CTXND2: variants seen among roughly 807,000 people sequenced by gnomAD.
CTXND2 encodes the protein cortexin domain containing 2.
intron 1 of CTXND2, among the ~76,000 whole-genome samples, chr1:150,908,498 T>C (rs1362125565): frequency 1.3e-5 from 2 of 152,216 alleles, no homozygotes; most frequent in African/African-American, 4.8e-5. Flanking sequence ...TCCATTTCCC[T>C]GATGACTAAT....
intron 1 of CTXND2, among the ~76,000 whole-genome samples, chr1:150,904,790 T>G (rs1371997689): frequency 3.3e-5 from 5 of 152,236 alleles, no homozygotes. Context: ...TATCAAAGAT[T>G]ATTTAGCATT....
At chr1:150,907,073 A>G (rs959451670) in intron 1 of CTXND2, among the ~76,000 whole-genome samples, 2 of 152,208 alleles carry the variant, frequency 1.3e-5, no homozygotes, top group African/African-American at 4.8e-5. Flanking sequence ...CTGATCCTGT[A>G]CAATGCAGAA....
intron 1 of CTXND2, among the ~76,000 whole-genome samples, chr1:150,911,551 G>A (rs1669258353): frequency 6.6e-6 from 1 of 151,748 alleles, no homozygotes; most frequent in South Asian, 2.1e-4. Flanking sequence ...TTCTGCCTCA[G>A]CCTCCCAAGT....
At chr1:150,910,133 CTTT>C (rs1338323220) in intron 1 of CTXND2, among the ~76,000 whole-genome samples, 1 of 119,134 alleles carries the variant, frequency 8.4e-6, no homozygotes. Flanking sequence ...TTTTTTTTTT[CTTT>C]TTTTTTTTTT....
intron 1 of CTXND2, among the ~76,000 whole-genome samples, chr1:150,893,917 A>G (rs1478777930): frequency 6.6e-6 from 1 of 152,004 alleles, no homozygotes; most frequent in African/African-American, 2.4e-5. Flanking sequence ...GGGTTAAAGG[A>G]GCTCCTTTCT....
intron 1 of CTXND2, among the ~76,000 whole-genome samples, chr1:150,905,768 A>G (rs1669133324): frequency 6.6e-6 from 1 of 151,930 alleles, no homozygotes; most frequent in Admixed American, 6.6e-5. Context: ...AGACGGGCAG[A>G]TCACGAGGTC....
At chr1:150,901,949 G>A (rs1326757253) in intron 1 of CTXND2, among the ~76,000 whole-genome samples, 1 of 151,400 alleles carries the variant, frequency 6.6e-6, no homozygotes, top group Non-Finnish European at 1.5e-5. Context: ...AAATTCAATG[G>A]GGAAATAATA....
intron 1 of CTXND2, among the ~76,000 whole-genome samples, chr1:150,902,082 A>G (rs1184625262): frequency 2.0e-5 from 3 of 152,058 alleles, no homozygotes; most frequent in East Asian, 3.9e-4. Flanking sequence ...CCTGGCCAAC[A>G]TGGTGAAACT....
chr1:150,898,153 G>GT (rs34573516), intron 1 of CTXND2, among the ~76,000 whole-genome samples: 53,552 of 147,748 alleles, frequency 0.36, 9,880 homozygotes, highest in South Asian at 0.54. Flanking sequence ...TAGATGTGGG[G>GT]TTTTTTTTTT....
intron 1 of CTXND2, among the ~76,000 whole-genome samples, chr1:150,890,440 G>A (rs957443178): frequency 1.3e-5 from 2 of 152,174 alleles, no homozygotes; most frequent in African/African-American, 4.8e-5. Context: ...GGCTTTACAG[G>A]AATGATTAGA....
intron 1 of CTXND2, among the ~76,000 whole-genome samples, chr1:150,896,209 T>A (rs1052801223): frequency 6.6e-6 from 1 of 152,134 alleles, no homozygotes; most frequent in African/African-American, 2.4e-5. Context: ...GAAGCCAAAC[T>A]GGGGATTAAA....
At chr1:150,893,032 C>T (rs754659299) in intron 1 of CTXND2, among the ~76,000 whole-genome samples, 6 of 152,126 alleles carry the variant, frequency 3.9e-5, no homozygotes, top group African/African-American at 7.2e-5. Context: ...TGTTCTTTAA[C>T]GACTATCAGT....
chr1:150,888,069 TA>T (rs35935543), intron 1 of CTXND2, among the ~76,000 whole-genome samples: 3 of 151,482 alleles, frequency 2.0e-5, no homozygotes, highest in South Asian at 2.1e-4. Flanking sequence ...AAAAGCCACT[TA>T]AAAAAAATTC....
chr1:150,896,670 C>T (rs1052770655), intron 1 of CTXND2, among the ~76,000 whole-genome samples: 2 of 152,156 alleles, frequency 1.3e-5, no homozygotes, highest in Admixed American at 1.3e-4. Flanking sequence ...TAATTCAGTG[C>T]CAACACCATA....
chr1:150,909,969 T>C (rs587733429), intron 1 of CTXND2, among the ~76,000 whole-genome samples: 9 of 152,252 alleles, frequency 5.9e-5, no homozygotes, highest in African/African-American at 1.7e-4. Context: ...TTGCACTTCA[T>C]TGTCAGGATG....
intron 1 of CTXND2, among the ~76,000 whole-genome samples, chr1:150,901,248 A>C (rs1669022725): frequency 6.6e-6 from 1 of 152,224 alleles, no homozygotes; most frequent in Non-Finnish European, 1.5e-5. Context: ...AATTGAAAAG[A>C]CTTAAGCAAA....
Position 150,900,610 on chromosome 1 carries a change from T to G in CTXND2, c.-73-11632T>G, listed in dbSNP as rs1668999463. Among the ~76,000 whole-genome samples the G allele has an allele frequency of 2.6e-5, 4 of 151,982 alleles. No individual in the cohort carries two copies. In the South Asian group the frequency reaches 8.3e-4, roughly 31 times the overall value. On this transcript the variant is annotated intron_variant, in intron 1 of 1. Transcript: ENST00000636087. ...TTACAGTCAGCTGAGATTGCTCCAC[T>G]GCATTCCAGCCTGGGCCACAGAGCA...
At chr1:150,904,615 T>G (rs1312772574) in intron 1 of CTXND2, among the ~76,000 whole-genome samples, 13 of 152,208 alleles carry the variant, frequency 8.5e-5, no homozygotes. Context: ...CCAAGCAAGA[T>G]TCACCTGTGT....
intron 1 of CTXND2, among the ~76,000 whole-genome samples, chr1:150,899,668 C>G (rs944948548): frequency 6.6e-6 from 1 of 151,880 alleles, no homozygotes; most frequent in Non-Finnish European, 1.5e-5. Context: ...CAAACAAAAA[C>G]AAAACATGGC....
Sources: allele counts gnomAD v4.1 joint callset (sites outside exome capture counted in the v4.1 genomes callset), GRCh38; gene constraint gnomAD v4.1.1; transcripts MANE v1.5; gene names NCBI Gene and HGNC (gene_info 2026-07-23, HGNC 2026-07-21).